The following SHISA9 variants were observed in gnomAD, a reference collection of about 807,000 sequenced individuals.
SHISA9 encodes the protein protein shisa-9.
In SHISA9, 13 loss-of-function variants were observed where a neutral mutation model predicts 38.0. The observed-to-expected ratio is 0.34, with a 90% confidence interval of 0.22 to 0.54. The LOEUF is 0.54. Among genes scored for constraint, SHISA9 ranks in the 20% least tolerant of loss-of-function variants. The pLI, the probability that SHISA9 is intolerant of heterozygous loss-of-function variation, is 0.91. For synonymous variants in SHISA9, 275 were observed against 242.0 expected, an observed-to-expected ratio of 1.14 and a Z score of -1.27; for missense variants, 538 against 575.8, an observed-to-expected ratio of 0.93 and a Z score of 0.67.
At chr16:13,422,441 A>G in the SHISA9 span, among the ~76,000 whole-genome samples, 1 of 152,176 alleles carries the variant, frequency 6.6e-6, no homozygotes, top group African/African-American at 2.4e-5. Flanking sequence ...CATGCCTGCA[A>G]TCCCAGTGCT....
the SHISA9 span, among the ~76,000 whole-genome samples, chr16:13,429,470 G>A: frequency 6.6e-6 from 1 of 152,148 alleles, no homozygotes; most frequent in Non-Finnish European, 1.5e-5. Context: ...TTTCCTGGGT[G>A]TCTTCACATC....
At chr16:13,102,734 T>C (rs73520664) in intron 2 of SHISA9, among the ~76,000 whole-genome samples, 2,659 of 152,302 alleles carry the variant, frequency 0.017, 77 homozygotes, top group African/African-American at 0.06. Flanking sequence ...CCCTAGACGG[T>C]TGGGGAGAAT....
chr16:12,983,070 C>T (rs538441676), intron 2 of SHISA9, among the ~76,000 whole-genome samples: 1 of 152,140 alleles, frequency 6.6e-6, no homozygotes, highest in African/African-American at 2.4e-5. Flanking sequence ...CTCAAATCTC[C>T]CATGTGGTGT....
At chr16:12,974,867 A>G (rs950133239) in intron 2 of SHISA9, among the ~76,000 whole-genome samples, 2 of 152,206 alleles carry the variant, frequency 1.3e-5, no homozygotes, top group African/African-American at 2.4e-5. Flanking sequence ...GTCTACATCT[A>G]TAACTCTATA....
intron 2 of SHISA9, among the ~76,000 whole-genome samples, chr16:13,170,959 A>G (rs1007524522): frequency 6.6e-6 from 1 of 152,178 alleles, no homozygotes; most frequent in Non-Finnish European, 1.5e-5. Context: ...GCTGGGCCTA[A>G]AATAAAAGTT....
the SHISA9 span, among the ~76,000 whole-genome samples, chr16:13,330,168 A>G: frequency 6.6e-6 from 1 of 152,218 alleles, no homozygotes; most frequent in Admixed American, 6.5e-5. Flanking sequence ...CAGCAAGTTC[A>G]TCGACTTTCT....
the SHISA9 span, among the ~76,000 whole-genome samples, chr16:13,497,685 CAAAAAAA>C: frequency 9.4e-6 from 1 of 106,372 alleles, no homozygotes; most frequent in South Asian, 3.5e-4. Context: ...ACTCCGTCTC[CAAAAAAA>C]AAAAAAAAAG....
chr16:13,357,043 T>TA, the SHISA9 span, among the ~76,000 whole-genome samples: 1 of 151,950 alleles, frequency 6.6e-6, no homozygotes, highest in Non-Finnish European at 1.5e-5. Flanking sequence ...AGCTTACCTA[T>TA]AGTGAAGGAG....
chr16:13,427,086 T>C, the SHISA9 span, among the ~76,000 whole-genome samples: 1 of 152,176 alleles, frequency 6.6e-6, no homozygotes, highest in East Asian at 1.9e-4. Flanking sequence ...ACTTTCCTAA[T>C]TGGTATCTGA....
At position 13,126,593 on chromosome 16, in the gene SHISA9, AAGAG is replaced by A. The variant is rs532364710; in HGVS notation, c.692-76797_692-76794del. 7.4e-3 allele frequency among the ~76,000 whole-genome samples: 907 copies of A among 122,004 alleles called. 7 individuals are homozygous for A. Among genetic ancestry groups the A allele is most frequent in the Non-Finnish European group, 0.013 (719 of 56,910 alleles). 80.0% of individuals were successfully genotyped at this position (122,004 alleles called of 152,430 possible). ...AGAGAAAGGGGGAAAGAGAGAGAGAAAGAGAGACAGGGAGGGAAAGAGATGGAGG... is the reference window on the plus strand; with the variant it reads ...AGAGAAAGGGGGAAAGAGAGAGAGAAAGACAGGGAGGGAAAGAGATGGAGG... On this transcript the variant is annotated intron_variant, in intron 2 of 4. Coordinates refer to ENST00000558583, the MANE Select transcript of SHISA9 (RefSeq NM_001145204.3).
chr16:12,901,673 T>G lies in SHISA9; in HGVS notation c.-392T>G, dbSNP rs910583563. On this transcript the variant is annotated 5_prime_UTR_variant, in exon 1 of 5. Transcript: ENST00000558583. ...GGTGAGAGGGATACTGCGAGAGGGC[T>G]AGGGGCGGCCAGTCCGGGGCTGCCG... The G allele has an allele frequency of 1.7e-4, 25 of 150,648 alleles. No homozygotes were observed. The highest frequency in any genetic ancestry group is 6.1e-4 in the African/African-American group (25 of 40,950). The allele number at this position is 150,648 out of a possible 1,614,324, so 9.3% of individuals were successfully genotyped here. A position where few individuals can be genotyped will look rare whatever the true frequency, so the allele number is the denominator to read the frequency against.
the SHISA9 span, among the ~76,000 whole-genome samples, chr16:13,479,676 C>G: frequency 2.1e-4 from 32 of 152,302 alleles, no homozygotes; most frequent in African/African-American, 7.5e-4. Flanking sequence ...TTCCCTTCCT[C>G]ACGGCTGCAT....
In SHISA9 at chr16:13,145,769, A is replaced by G. The variant is rs554300103; in HGVS notation, c.692-57625A>G. ...AGTAGGTGCAGTACTCATTACCTTA[A>G]CAGATACTTACTGAGCACCTACTGT... is the stretch of plus-strand genomic sequence containing the variant. On this transcript the variant is annotated intron_variant, in intron 2 of 4. Coordinates refer to ENST00000558583, the MANE Select transcript of SHISA9 (RefSeq NM_001145204.3). Among the ~76,000 whole-genome samples the G allele has an allele frequency of 1.2e-3, 177 of 152,220 alleles. 2 individuals carry two copies. The highest frequency in any genetic ancestry group is 4.4e-4 in the Non-Finnish European group (30 of 68,038).
intron 2 of SHISA9, among the ~76,000 whole-genome samples, chr16:12,976,420 C>G (rs2072162551): frequency 6.6e-6 from 1 of 151,986 alleles, no homozygotes; most frequent in East Asian, 1.9e-4. Flanking sequence ...GGGTGTGGCT[C>G]TTTGGATTTT....
At chr16:13,411,172 A>G in the SHISA9 span, among the ~76,000 whole-genome samples, 1 of 152,246 alleles carries the variant, frequency 6.6e-6, no homozygotes, top group Non-Finnish European at 1.5e-5. Context: ...GGTAAGGACA[A>G]CGATGTTTCC....
chr16:13,035,190 A>G (rs183335741), intron 2 of SHISA9, among the ~76,000 whole-genome samples: 1 of 152,220 alleles, frequency 6.6e-6, no homozygotes, highest in African/African-American at 2.4e-5. Flanking sequence ...CTATATTTTG[A>G]GTATTCACTA....
At chr16:13,360,309 C>G in the SHISA9 span, among the ~76,000 whole-genome samples, 3 of 152,198 alleles carry the variant, frequency 2.0e-5, no homozygotes, top group East Asian at 1.9e-4. Flanking sequence ...TGTTTCTCCA[C>G]TTTCCTGTCT....
chr16:13,539,336 TATATATAAAG>T, the SHISA9 span, among the ~76,000 whole-genome samples: 212 of 41,156 alleles, frequency 5.2e-3, 20 homozygotes, highest in East Asian at 0.13. Context: ...GATCTTTATA[TATATATAAAG>T]ATATATATAT....
At chr16:13,145,157 G>A (rs1163107380) in intron 2 of SHISA9, among the ~76,000 whole-genome samples, 1 of 152,136 alleles carries the variant, frequency 6.6e-6, no homozygotes, top group Admixed American at 6.5e-5. Flanking sequence ...CTCCCGAAAC[G>A]ACAGGAGCAC....
Sources: allele counts gnomAD v4.1 joint callset (sites outside exome capture counted in the v4.1 genomes callset), GRCh38; gene constraint gnomAD v4.1.1; transcripts MANE v1.5; gene names NCBI Gene and HGNC (gene_info 2026-07-23, HGNC 2026-07-21).